The following CSMD2 variants were observed in gnomAD, a reference collection of about 807,000 sequenced individuals.
CSMD2 encodes CUB and Sushi multiple domains 2, also known as CUB and sushi domain-containing protein 2.
A neutral mutation model predicts 398.5 loss-of-function variants in CSMD2; 130 were observed. That is an observed-to-expected ratio of 0.33 (90% CI 0.28 to 0.38). CSMD2 has a LOEUF of 0.38. CSMD2 is among the 10% of genes least tolerant of loss of function. The pLI is 1.00. For missense variants in CSMD2, 3,829 were observed against 4,764.9 expected (o/e 0.80, Z 5.78); for synonymous variants, 1,828 against 1,908.5 (o/e 0.96, Z 1.10).
At chr1:33,669,796 AAG>A (rs1400030083) in intron 25 of CSMD2, among the ~76,000 whole-genome samples, 2 of 152,178 alleles carry the variant, frequency 1.3e-5, no homozygotes, top group Non-Finnish European at 2.9e-5. Flanking sequence ...CGTAAGAGAA[AAG>A]AGAGGGAGAT....
In CSMD2 at chr1:33,709,282, A is replaced by T. The variant is rs761389122; in HGVS notation, c.3407-24T>A. On this transcript the variant is annotated intron_variant, in intron 21 of 70. Transcript: ENST00000373381. ...AGCTGGAAAGAGAATCACAATAACC[A>T]TAGATTAACCCCCATCAGCTGCATC... is the stretch of plus-strand genomic sequence containing the variant. 3.7e-6 allele frequency: 6 copies of T among 1,604,110 alleles called. No individual in the cohort carries two copies. In the East Asian group the frequency reaches 1.3e-4, roughly 36 times the overall value.
intron 1 of CSMD2, among the ~76,000 whole-genome samples, chr1:34,134,439 C>T (rs1638500457): frequency 6.6e-6 from 1 of 152,104 alleles, no homozygotes; most frequent in Non-Finnish European, 1.5e-5. Flanking sequence ...ACATTTGCTG[C>T]CCTATTTTAG....
intron 1 of CSMD2, among the ~76,000 whole-genome samples, chr1:34,089,994 C>A (rs1399075870): frequency 6.6e-6 from 1 of 152,188 alleles, no homozygotes; most frequent in East Asian, 1.9e-4. Context: ...ACTCTCCAAC[C>A]CTGTCAATTC....
chr1:33,795,962 C>G, intron 10 of CSMD2, among the ~76,000 whole-genome samples: 1 of 152,222 alleles, frequency 6.6e-6, no homozygotes, highest in East Asian at 1.9e-4. Context: ...TGTAAAGGGA[C>G]AGATGGTAAA....
intron 46 of CSMD2, 76 bp from the exon 47 acceptor site, chr1:33,583,906 A>C: frequency 7.9e-7 from 1 of 1,273,520 alleles, no homozygotes; most frequent in South Asian, 1.3e-5. Context: ...GCTTTTCCCA[A>C]TACTAAAGAC....
intron 4 of CSMD2, among the ~76,000 whole-genome samples, chr1:33,932,968 A>G (rs1364868347): frequency 1.3e-5 from 2 of 152,212 alleles, no homozygotes; most frequent in Non-Finnish European, 2.9e-5. Context: ...TACAATGCAC[A>G]TCACAGGGGA....
At chr1:34,077,609 C>T (rs1484100389) in intron 2 of CSMD2, among the ~76,000 whole-genome samples, 5 of 150,228 alleles carry the variant, frequency 3.3e-5, no homozygotes, top group Admixed American at 6.6e-5. Flanking sequence ...TGGTGGCGGG[C>T]GCCTGTAGTC....
chr1:33,708,942 CTCTT>C (rs1645895834), intron 22 of CSMD2, 143 bp downstream of exon 22: 2 of 665,796 alleles, frequency 3.0e-6, no homozygotes, highest in Admixed American at 6.6e-5. Context: ...TTTTGGTCCT[CTCTT>C]TCTCCCAGAT....
intron 19 of CSMD2, among the ~76,000 whole-genome samples, chr1:33,716,714 G>A (rs1646183476): frequency 6.6e-6 from 1 of 152,174 alleles, no homozygotes; most frequent in South Asian, 2.1e-4. Flanking sequence ...GAATTTTACA[G>A]TTCTTCTTTT....
intron 3 of CSMD2, among the ~76,000 whole-genome samples, chr1:33,988,058 T>G (rs1185006857): frequency 6.6e-6 from 1 of 152,206 alleles, no homozygotes; most frequent in Non-Finnish European, 1.5e-5. Context: ...ATTTAAGACT[T>G]TTCTTGAGCT....
At chr1:34,058,405 T>C (rs752503730) in intron 2 of CSMD2, among the ~76,000 whole-genome samples, 3 of 152,048 alleles carry the variant, frequency 2.0e-5, no homozygotes, top group Non-Finnish European at 2.9e-5. Flanking sequence ...ATGATGATGA[T>C]ATAAAAACAA....
chr1:33,583,671 T>G lies in CSMD2; in HGVS notation c.7211A>C (p.Lys2404Thr), dbSNP rs776074828. The G allele has an allele frequency of 1.1e-5, 17 of 1,614,044 alleles. No homozygotes were observed. The highest frequency in any genetic ancestry group is 3.3e-4 in the Middle Eastern group (2 of 6,084). Residue 2404 changes from lysine (K) to threonine (T), a missense_variant, in exon 47 of 71, where the codon AAG (lysine) becomes ACG (threonine). By Grantham distance (78) the Lys-to-Thr change is moderately conservative. Around this residue, in one of 5 missense-constraint regions of CSMD2, gnomAD observed 723 missense variants for 758.6 expected, o/e 0.95. Transcript: ENST00000373381. Reference protein sequence around the residue: ...SLTVEYFLSEKQYDEFEIFDG... With the variant: ...SLTVEYFLSETQYDEFEIFDG... ...AAAAATCTCAAACTCATCATATTGC[T>G]TCTCGCTGAGGAAGTACTCCACTGT...
rs552042976 is a variant in CSMD2 at position 33,747,698 on chromosome 1, C to T, written c.1847-4092G>A. On this transcript the variant is annotated intron_variant, in intron 13 of 70. Coordinates refer to ENST00000373381, the MANE Select transcript of CSMD2 (RefSeq NM_001281956.2). ...GTAATATACAACCCTCTCTTTGGGA[C>T]AAAACACACAGCTAAGACAAAGTGA... 5.3e-5 allele frequency among the ~76,000 whole-genome samples: 8 copies of T among 152,214 alleles called. No individual in the cohort carries two copies. The East Asian group carries it at 1.4e-3, about 26-fold the overall frequency.
chr1:33,995,076 G>T, intron 3 of CSMD2, among the ~76,000 whole-genome samples: 1 of 127,080 alleles, frequency 7.9e-6, no homozygotes, highest in East Asian at 2.4e-4. Context: ...AAAAAGAAAA[G>T]AAAAAAAAAA....
In CSMD2 at chr1:34,144,523, A is replaced by G. The variant is rs1428741441; in HGVS notation, c.187+20388T>C. ...CAGCAAGCCTTGCTCCTGTGAGGGA[A>G]GCCTGAGGCTGTTTCCTTTGCTGGT... On this transcript the variant is annotated intron_variant, in intron 1 of 70. Coordinates refer to ENST00000373381, the MANE Select transcript of CSMD2 (RefSeq NM_001281956.2). Among the ~76,000 whole-genome samples, 8 of 152,228 alleles carry G rather than the reference A, an allele frequency of 5.3e-5. No homozygotes were observed. In the East Asian group the frequency reaches 1.5e-3, roughly 29 times the overall value.
At chr1:33,800,170 A>G (rs1251779319) in intron 10 of CSMD2, among the ~76,000 whole-genome samples, 1 of 152,230 alleles carries the variant, frequency 6.6e-6, no homozygotes, top group African/African-American at 2.4e-5. Context: ...TGTTGCTGCC[A>G]GTGTAACTAT....
chr1:33,573,805 G>C (rs1659821681), intron 49 of CSMD2, among the ~76,000 whole-genome samples: 1 of 152,158 alleles, frequency 6.6e-6, no homozygotes, highest in African/African-American at 2.4e-5. Context: ...CAGATGGAAA[G>C]GGAGCCAAAG....
intron 36 of CSMD2, among the ~76,000 whole-genome samples, chr1:33,622,547 C>T (rs1641839784): frequency 6.6e-6 from 1 of 152,204 alleles, no homozygotes; most frequent in Non-Finnish European, 1.5e-5. Flanking sequence ...TGGGTCTCCT[C>T]ATAGCCATCT....
At chr1:33,520,309 A>C (rs1399046886) in intron 68 of CSMD2, among the ~76,000 whole-genome samples, 1 of 152,242 alleles carries the variant, frequency 6.6e-6, no homozygotes. Flanking sequence ...GAAACCTTAC[A>C]GGCACAACAA....
Sources: gnomAD v4.1 joint callset for allele counts (sites outside exome capture counted in the v4.1 genomes callset) on GRCh38, gnomAD v4.1.1 for gene constraint, gnomAD v4.1.1 regional missense constraint, MANE v1.5 for transcripts, NCBI Gene and HGNC (gene_info 2026-07-23, HGNC 2026-07-21) for gene names.